Variants in SFI1 observed in about 807,000 individuals in gnomAD.
SFI1 encodes the protein SFI1 centrin binding protein, also known as protein SFI1 homolog.
A neutral mutation model predicts 207.5 loss-of-function variants in SFI1; 195 were observed. The ratio of observed to expected loss-of-function variants is 0.94; its 90% CI spans 0.84 to 1.06. The LOEUF is 1.06. Ranked by LOEUF, SFI1 falls within the 50% of genes least tolerant of loss-of-function variation. SFI1 has a pLI of 0.00. For synonymous variants in SFI1, 630 were observed against 598.9 expected (o/e 1.05, Z -0.76); for missense variants, 1,634 against 1,588.0 (o/e 1.03, Z -0.49).
intron 9 of SFI1, 120 bp downstream of exon 9, chr22:31,573,334 A>G: frequency 1.1e-6 from 1 of 905,916 alleles, no homozygotes; most frequent in Non-Finnish European, 1.6e-6. Flanking sequence ...TTTTGGTAAA[A>G]GGAGATTAAG....
chr22:31,536,941 G>T (rs1026950419), intron 4 of SFI1, among the ~76,000 whole-genome samples: 1 of 151,242 alleles, frequency 6.6e-6, no homozygotes, highest in Non-Finnish European at 1.5e-5. Flanking sequence ...TTAGAGACAG[G>T]GTCTCACTAT....
At chr22:31,609,020 CAG>C (rs2147193304) in intron 22 of SFI1, among the ~76,000 whole-genome samples, 1 of 151,868 alleles carries the variant, frequency 6.6e-6, no homozygotes, top group South Asian at 2.1e-4. Context: ...TTTTTTGAGA[CAG>C]AGTCTCACTC....
intron 15 of SFI1, among the ~76,000 whole-genome samples, chr22:31,598,501 G>A (rs556050144): frequency 4.7e-5 from 7 of 149,972 alleles, no homozygotes; most frequent in African/African-American, 7.3e-5. Flanking sequence ...CTCACTGCAA[G>A]CTCTGCCTCC....
intron 10 of SFI1, among the ~76,000 whole-genome samples, chr22:31,576,872 C>T (rs922203080): frequency 1.3e-5 from 2 of 151,862 alleles, no homozygotes; most frequent in East Asian, 1.9e-4. Flanking sequence ...AAACTCCTGA[C>T]GACCTCAGGT....
In SFI1 at chr22:31,530,203, A is replaced by AAAAAAT. The variant is rs1569227870; in HGVS notation, c.267-855_267-854insAAAAAT. Among the ~76,000 whole-genome samples the AAAAAAT allele has an allele frequency of 1.8e-3, 230 of 127,806 alleles. 9 individuals carry two copies. Among genetic ancestry groups the AAAAAAT allele is most frequent in the East Asian group, 0.014 (54 of 3,990 alleles). 83.8% of individuals were successfully genotyped at this position (127,806 alleles called of 152,430 possible). ...AAAAAAAAAAAAAAAAAAAAAAAAA[A>AAAAAAT]GACAAGGCCGGGCGCGGTGGCTCAC... On this transcript the variant is annotated intron_variant, in intron 3 of 32. Transcript: ENST00000400288.
intron 22 of SFI1, among the ~76,000 whole-genome samples, chr22:31,609,988 T>C (rs1279058959): frequency 6.6e-6 from 1 of 152,180 alleles, no homozygotes; most frequent in Non-Finnish European, 1.5e-5. Context: ...GGACTTTCCT[T>C]AGAGGGAGGC....
intron 4 of SFI1, among the ~76,000 whole-genome samples, chr22:31,535,535 G>A (rs1379080249): frequency 1.3e-5 from 2 of 149,496 alleles, no homozygotes; most frequent in Middle Eastern, 3.4e-3. Flanking sequence ...ACAGAGTCTC[G>A]CTCTGTTGCC....
chr22:31,505,843 C>T lies in SFI1; in HGVS notation c.-30-2412C>T, dbSNP rs150060264. ...AGGCTGCAGTGAGCCGTGATGGTGC[C>T]GCAGTACTTCAGCCTGGATAATAAC... On this transcript the variant is annotated intron_variant, in intron 1 of 32. Transcript: ENST00000400288. Among the ~76,000 whole-genome samples the T allele has an allele frequency of 4.3e-3, 657 of 151,318 alleles. 4 individuals carry two copies. The highest frequency in any genetic ancestry group is 6.2e-3 in the Admixed American group (94 of 15,190).
At chr22:31,498,431 G>A (rs976768547) in intron 1 of SFI1, among the ~76,000 whole-genome samples, 1 of 151,916 alleles carries the variant, frequency 6.6e-6, no homozygotes, top group African/African-American at 2.4e-5. Flanking sequence ...ATGATTTGTG[G>A]GAAGGGGTTA....
At chr22:31,574,566 T>G (rs2063280135) in intron 9 of SFI1, among the ~76,000 whole-genome samples, 1 of 152,236 alleles carries the variant, frequency 6.6e-6, no homozygotes, top group African/African-American at 2.4e-5. Context: ...AGACATTTGT[T>G]TAGAAGCAAA....
chr22:31,585,039 A>C, intron 13 of SFI1, 29 bp from the exon 14 acceptor site: 1 of 1,606,166 alleles, frequency 6.2e-7, no homozygotes, highest in Non-Finnish European at 8.5e-7. Context: ...AAAACTTGAA[A>C]CCTGAAGGTG....
At chr22:31,609,059 G>A (rs1299734804) in intron 22 of SFI1, among the ~76,000 whole-genome samples, 2 of 151,908 alleles carry the variant, frequency 1.3e-5, no homozygotes, top group Admixed American at 6.5e-5. Context: ...GTGCAGTGGT[G>A]CGATCTCGGC....
At chr22:31,516,606 G>A (rs1270209129) in intron 2 of SFI1, among the ~76,000 whole-genome samples, 1 of 151,948 alleles carries the variant, frequency 6.6e-6, no homozygotes, top group Non-Finnish European at 1.5e-5. Context: ...ATCATTTGAG[G>A]TCAGGAGTTC....
At chr22:31,502,760 G>A (rs908775487) in intron 1 of SFI1, among the ~76,000 whole-genome samples, 4 of 152,170 alleles carry the variant, frequency 2.6e-5, no homozygotes, top group Admixed American at 2.6e-4. Context: ...TTTTTTATTT[G>A]TTGGAGGTCT....
chr22:31,580,773 C>T (rs962778742), intron 12 of SFI1, among the ~76,000 whole-genome samples: 2 of 152,066 alleles, frequency 1.3e-5, no homozygotes, highest in African/African-American at 4.8e-5. Context: ...GAACTCCTGA[C>T]TTCAGATGAT....
chr22:31,503,891 G>A (rs961380755), intron 1 of SFI1, among the ~76,000 whole-genome samples: 1 of 148,530 alleles, frequency 6.7e-6, no homozygotes, highest in Non-Finnish European at 1.5e-5. Flanking sequence ...CCTCGGCCAT[G>A]TTTTGTATTT....
chr22:31,558,478 T>G (rs2061378511), intron 7 of SFI1, among the ~76,000 whole-genome samples: 1 of 152,106 alleles, frequency 6.6e-6, no homozygotes, highest in South Asian at 2.1e-4. Flanking sequence ...ATTTTTTTTT[T>G]TTTTTTATGA....
chr22:31,514,760 C>A (rs1485800591), intron 2 of SFI1, among the ~76,000 whole-genome samples: 2 of 151,562 alleles, frequency 1.3e-5, no homozygotes, highest in African/African-American at 4.8e-5. Flanking sequence ...TTGTCGAAAA[C>A]GACAGAATTT....
chr22:31,507,670 TAAG>T (rs1369888431), intron 1 of SFI1, among the ~76,000 whole-genome samples: 1 of 152,062 alleles, frequency 6.6e-6, no homozygotes, highest in Non-Finnish European at 1.5e-5. Context: ...ACAGCCCCAT[TAAG>T]AAGTGGGCAA....
Sources: gnomAD v4.1 joint callset for allele counts (sites outside exome capture counted in the v4.1 genomes callset) on GRCh38, gnomAD v4.1.1 for gene constraint, MANE v1.5 for transcripts, NCBI Gene and HGNC (gene_info 2026-07-23, HGNC 2026-07-21) for gene names.